The following SKAP1 variants were observed in gnomAD, a reference collection of about 807,000 sequenced individuals.
SKAP1 encodes src kinase-associated phosphoprotein 1.
A neutral mutation model predicts 58.5 loss-of-function variants in SKAP1; 44 were observed. The observed-to-expected ratio is 0.75, with a 90% confidence interval of 0.59 to 0.97. SKAP1 has a LOEUF of 0.97. SKAP1 is among the 50% of genes least tolerant of loss of function. SKAP1 has a pLI of 0.00. For synonymous variants in SKAP1, 127 were observed against 149.7 expected, an observed-to-expected ratio of 0.85 and a Z score of 1.11; for missense variants, 390 against 435.2, an observed-to-expected ratio of 0.90 and a Z score of 0.92.
chr17:48,401,032 G>A (rs1184508502), intron 1 of SKAP1, among the ~76,000 whole-genome samples: 12 of 152,116 alleles, frequency 7.9e-5, no homozygotes, highest in Admixed American at 1.3e-4. Context: ...ATGGCCGGGC[G>A]TGTTGGCTCA....
chr17:48,295,392 T>C (rs1257185525), intron 4 of SKAP1, among the ~76,000 whole-genome samples: 6 of 152,050 alleles, frequency 3.9e-5, no homozygotes, highest in African/African-American at 1.2e-4. Flanking sequence ...CTAAAAATTG[T>C]AGCATATGAT....
intron 2 of SKAP1, among the ~76,000 whole-genome samples, chr17:48,370,376 G>T (rs1174100582): frequency 6.6e-6 from 1 of 152,096 alleles, no homozygotes; most frequent in Non-Finnish European, 1.5e-5. Context: ...CGTGATCATG[G>T]CTTACTGCAG....
chr17:48,344,217 G>T, intron 4 of SKAP1: 1 of 451,552 alleles, frequency 2.2e-6, no homozygotes, highest in Non-Finnish European at 2.9e-6. Context: ...TTTATTTATA[G>T]ATTTTGTTTT....
chr17:48,384,478 T>G, intron 2 of SKAP1, among the ~76,000 whole-genome samples: 1 of 152,050 alleles, frequency 6.6e-6, no homozygotes, highest in Non-Finnish European at 1.5e-5. Context: ...AGACAGGAGA[T>G]TCTAGAGTTG....
intron 4 of SKAP1, among the ~76,000 whole-genome samples, chr17:48,225,643 G>A (rs1163476361): frequency 6.6e-6 from 1 of 152,130 alleles, no homozygotes; most frequent in East Asian, 1.9e-4. Flanking sequence ...TTTTCTCCTT[G>A]TTTTTCTGGC....
At chr17:48,333,741 T>C (rs1364165472) in intron 4 of SKAP1, among the ~76,000 whole-genome samples, 2 of 152,076 alleles carry the variant, frequency 1.3e-5, no homozygotes, top group Non-Finnish European at 2.9e-5. Flanking sequence ...AAGTTTTCCC[T>C]GTTTAGCTCC....
intron 4 of SKAP1, among the ~76,000 whole-genome samples, chr17:48,274,454 T>C (rs1361654968): frequency 6.6e-6 from 1 of 151,636 alleles, no homozygotes; most frequent in East Asian, 1.9e-4. Context: ...CCCAGCACTT[T>C]GGGAGGCCGA....
upstream of SKAP1, chr17:48,430,278 C>T (rs899379457): frequency 1.8e-5 from 8 of 444,644 alleles, no homozygotes; most frequent in Admixed American, 1.5e-4. Context: ...TCCCCGGGCG[C>T]GTCAGGAAGT....
At chr17:48,348,641 G>A (rs2066755286) in intron 3 of SKAP1, among the ~76,000 whole-genome samples, 1 of 152,158 alleles carries the variant, frequency 6.6e-6, no homozygotes, top group South Asian at 2.1e-4. Context: ...GATTTCACAA[G>A]TTTTCCATTA....
At chr17:48,267,585 A>T (rs2065568880) in intron 4 of SKAP1, among the ~76,000 whole-genome samples, 1 of 152,214 alleles carries the variant, frequency 6.6e-6, no homozygotes, top group Non-Finnish European at 1.5e-5. Context: ...TTAGAAAATG[A>T]TAATTTTCTA....
rs28644294 is a variant in SKAP1 at position 48,366,116 on chromosome 17, A to G, written c.153-2302T>C. Among the ~76,000 whole-genome samples the G allele has an allele frequency of 6.2e-3, 938 of 152,340 alleles. 17 individuals are homozygous for G. The highest frequency in any genetic ancestry group is 0.02 in the African/African-American group (832 of 41,572). ...TAATGGTGTGTCTTCTAGTACATAC[A>G]TTACTAAAATTAGGCTTAGCTTCTT... On this transcript the variant is annotated intron_variant, in intron 2 of 12. Transcript: ENST00000336915.
At chr17:48,357,490 C>T (rs1373488067) in intron 3 of SKAP1, among the ~76,000 whole-genome samples, 1 of 151,824 alleles carries the variant, frequency 6.6e-6, no homozygotes, top group Non-Finnish European at 1.5e-5. Flanking sequence ...ATTAGCCGGG[C>T]GTGGTGGCGG....
chr17:48,355,927 AC>A (rs2066871063), intron 3 of SKAP1, among the ~76,000 whole-genome samples: 1 of 152,170 alleles, frequency 6.6e-6, no homozygotes, highest in South Asian at 2.1e-4. Context: ...GCTGTTTTAT[AC>A]CATCATCAGG....
chr17:48,322,867 G>A (rs2066387171), intron 4 of SKAP1, among the ~76,000 whole-genome samples: 1 of 152,202 alleles, frequency 6.6e-6, no homozygotes, highest in African/African-American at 2.4e-5. Flanking sequence ...AGGCCAAGGC[G>A]AGCAGATCAC....
chr17:48,182,052 A>T (rs2143465270), intron 8 of SKAP1, among the ~76,000 whole-genome samples: 1 of 152,254 alleles, frequency 6.6e-6, no homozygotes, highest in Admixed American at 6.5e-5. Flanking sequence ...TTTAAGTTGG[A>T]TATTATGAAT....
chr17:48,149,142 C>T (rs2063868444), intron 11 of SKAP1, among the ~76,000 whole-genome samples: 1 of 152,178 alleles, frequency 6.6e-6, no homozygotes, highest in African/African-American at 2.4e-5. Flanking sequence ...TAAACAAAGC[C>T]ATCTCATTCA....
chr17:48,206,973 A>C (rs992231834), intron 4 of SKAP1, among the ~76,000 whole-genome samples: 3 of 152,176 alleles, frequency 2.0e-5, no homozygotes, highest in Non-Finnish European at 4.4e-5. Flanking sequence ...TAAGAACTAT[A>C]TGCATACATT....
At chr17:48,210,212 C>T (rs924440054) in intron 4 of SKAP1, among the ~76,000 whole-genome samples, 19 of 152,124 alleles carry the variant, frequency 1.2e-4, no homozygotes, top group Admixed American at 3.9e-4. Flanking sequence ...CACTGTTATA[C>T]GGAGCCATTA....
intron 4 of SKAP1, among the ~76,000 whole-genome samples, chr17:48,307,005 G>A (rs901842683): frequency 1.3e-5 from 2 of 152,176 alleles, no homozygotes; most frequent in Admixed American, 1.3e-4. Context: ...GAAGGATTAT[G>A]TTGAATTCCC....
Sources: allele counts gnomAD v4.1 joint callset (sites outside exome capture counted in the v4.1 genomes callset), GRCh38; gene constraint gnomAD v4.1.1; transcripts MANE v1.5; gene names NCBI Gene and HGNC (gene_info 2026-07-23, HGNC 2026-07-21).